The following NEGR1 variants were observed in gnomAD, a reference collection of about 807,000 sequenced individuals.
NEGR1 encodes the protein IgLON family member 4.
In NEGR1, 10 loss-of-function variants were observed where a neutral mutation model predicts 40.9. That is an observed-to-expected ratio of 0.24 (90% CI 0.15 to 0.42). NEGR1 has a LOEUF of 0.42. Among genes scored for constraint, NEGR1 ranks in the 10% least tolerant of loss-of-function variants. The pLI is 1.00. For synonymous variants in NEGR1, 185 were observed against 166.8 expected (o/e 1.11, Z -0.84); for missense variants, 352 against 438.9 (o/e 0.80, Z 1.77).
At chr1:71,858,474 C>A (rs1011013563) in intron 2 of NEGR1, among the ~76,000 whole-genome samples, 1 of 151,946 alleles carries the variant, frequency 6.6e-6, no homozygotes, top group African/African-American at 2.4e-5. Context: ...TACAGTGGAA[C>A]CTTGCTAATT....
chr1:71,554,693 C>T (rs1322662370), intron 6 of NEGR1, among the ~76,000 whole-genome samples: 1 of 151,474 alleles, frequency 6.6e-6, no homozygotes, highest in East Asian at 2.0e-4. Flanking sequence ...AAAATTTGGA[C>T]ATTCTAGAAT....
At chr1:71,988,309 G>A (rs1407990375) in intron 1 of NEGR1, among the ~76,000 whole-genome samples, 1 of 152,112 alleles carries the variant, frequency 6.6e-6, no homozygotes, top group Non-Finnish European at 1.5e-5. Context: ...GGAGGCCGAG[G>A]CGGGTGGATT....
intron 6 of NEGR1, among the ~76,000 whole-genome samples, chr1:71,550,127 G>A (rs1470152145): frequency 2.0e-5 from 3 of 151,578 alleles, no homozygotes; most frequent in Non-Finnish European, 4.4e-5. Context: ...CCAAATGGTG[G>A]AGCAGACAGT....
chr1:72,155,603 T>G (rs1292759348), intron 1 of NEGR1, among the ~76,000 whole-genome samples: 1 of 152,070 alleles, frequency 6.6e-6, no homozygotes, highest in Non-Finnish European at 1.5e-5. Context: ...TCCTATGATA[T>G]AAAATATTTT....
chr1:72,182,426 G>A (rs1274056742), intron 1 of NEGR1, among the ~76,000 whole-genome samples: 1 of 152,078 alleles, frequency 6.6e-6, no homozygotes, highest in Non-Finnish European at 1.5e-5. Context: ...CCGGGGGGTG[G>A]AGGTTGCAGT....
At chr1:71,558,158 G>T (rs942106161) in intron 6 of NEGR1, among the ~76,000 whole-genome samples, 1 of 151,394 alleles carries the variant, frequency 6.6e-6, no homozygotes, top group African/African-American at 2.4e-5. Context: ...TTTCTCCACT[G>T]TAAAGTGACT....
chr1:71,458,240 C>T (rs1309753665), intron 6 of NEGR1, among the ~76,000 whole-genome samples: 1 of 152,196 alleles, frequency 6.6e-6, no homozygotes, highest in African/African-American at 2.4e-5. Flanking sequence ...ACCTGACTCT[C>T]AGTAAGTTAT....
At chr1:71,976,203 TCTTTC>T (rs1172945223) in intron 1 of NEGR1, among the ~76,000 whole-genome samples, 1 of 152,248 alleles carries the variant, frequency 6.6e-6, no homozygotes, top group Non-Finnish European at 1.5e-5. Flanking sequence ...ATTTTTTGTT[TCTTTC>T]CTTTTGTTTT....
intron 1 of NEGR1, among the ~76,000 whole-genome samples, chr1:72,210,736 T>C (rs1030368038): frequency 6.6e-6 from 1 of 151,926 alleles, no homozygotes; most frequent in Admixed American, 6.6e-5. Context: ...TGTGGAATAT[T>C]TGCATAACCA....
intron 1 of NEGR1, among the ~76,000 whole-genome samples, chr1:72,224,815 G>T (rs1471337215): frequency 6.6e-6 from 1 of 151,894 alleles, no homozygotes; most frequent in Non-Finnish European, 1.5e-5. Flanking sequence ...TAGTCAGTTT[G>T]TTTCTAGGTT....
At chr1:71,780,040 C>CAAAAAAGAAAAAAA (rs1656652624) in intron 2 of NEGR1, among the ~76,000 whole-genome samples, 1 of 99,734 alleles carries the variant, frequency 1.0e-5, no homozygotes, top group Non-Finnish European at 1.8e-5. Flanking sequence ...ATAGGAAAAC[C>CAAAAAAGAAAAAAA]AAAAAAAAAA....
At chr1:71,934,939 A>G (rs1570525457) in intron 2 of NEGR1, 140 bp downstream of exon 2, 1 of 627,946 alleles carries the variant, frequency 1.6e-6, no homozygotes, top group East Asian at 2.7e-5. Context: ...CCTGAAAACT[A>G]TGACAATATA....
chr1:71,576,292 G>A (rs374428967), intron 6 of NEGR1, among the ~76,000 whole-genome samples: 47 of 152,280 alleles, frequency 3.1e-4, no homozygotes, highest in African/African-American at 1.0e-3. Flanking sequence ...TTCTCAGAAT[G>A]AGAGTCCTAT....
At chr1:72,082,499 A>G (rs1378980223) in intron 1 of NEGR1, among the ~76,000 whole-genome samples, 2 of 152,174 alleles carry the variant, frequency 1.3e-5, no homozygotes, top group Admixed American at 1.3e-4. Flanking sequence ...ATGCCATCTT[A>G]GAGATAAAAT....
At chr1:72,114,038 A>C (rs1649487385) in intron 1 of NEGR1, among the ~76,000 whole-genome samples, 1 of 151,750 alleles carries the variant, frequency 6.6e-6, no homozygotes, top group Non-Finnish European at 1.5e-5. Flanking sequence ...AATTTGAAAT[A>C]CAGGTACTTG....
At chr1:72,097,894 G>C (rs991386345) in intron 1 of NEGR1, among the ~76,000 whole-genome samples, 13 of 152,176 alleles carry the variant, frequency 8.5e-5, no homozygotes, top group Admixed American at 3.9e-4. Flanking sequence ...AAGAAATCAA[G>C]AAAGTTTAAG....
chr1:72,227,652 T>C (rs933611390), intron 1 of NEGR1, among the ~76,000 whole-genome samples: 1 of 152,128 alleles, frequency 6.6e-6, no homozygotes, highest in Non-Finnish European at 1.5e-5. Context: ...ATAGAAACTT[T>C]TTTGTAAAGC....
chr1:72,161,100 T>C (rs544171608), intron 1 of NEGR1, among the ~76,000 whole-genome samples: 7 of 152,050 alleles, frequency 4.6e-5, no homozygotes, highest in Admixed American at 2.6e-4. Context: ...TGAAAGGAAA[T>C]AATTACTGCC....
intron 2 of NEGR1, among the ~76,000 whole-genome samples, chr1:71,828,160 T>C (rs914094214): frequency 6.6e-6 from 1 of 151,974 alleles, no homozygotes; most frequent in African/African-American, 2.4e-5. Flanking sequence ...AAATAATTAG[T>C]TGCTCTTGCT....
Sources: gnomAD v4.1 joint callset for allele counts (sites outside exome capture counted in the v4.1 genomes callset) on GRCh38, gnomAD v4.1.1 for gene constraint, MANE v1.5 for transcripts, NCBI Gene and HGNC (gene_info 2026-07-23, HGNC 2026-07-21) for gene names.